CTNNA3: variants seen among roughly 807,000 people sequenced by gnomAD.
CTNNA3 encodes catenin alpha-3.
A neutral mutation model predicts 95.7 loss-of-function variants in CTNNA3; 76 were observed. The ratio of observed to expected loss-of-function variants is 0.79; its 90% CI spans 0.66 to 0.96. The LOEUF is 0.96. CTNNA3 is among the 40% of genes least tolerant of loss of function. The pLI, the probability that CTNNA3 is intolerant of heterozygous loss-of-function variation, is 0.00. For synonymous variants in CTNNA3, 431 were observed against 374.4 expected (o/e 1.15, Z -1.74); for missense variants, 1,191 against 1,089.8 (o/e 1.09, Z -1.31).
At chr10:66,703,987 C>T (rs1359138332) in intron 9 of CTNNA3, among the ~76,000 whole-genome samples, 1 of 152,070 alleles carries the variant, frequency 6.6e-6, no homozygotes, top group African/African-American at 2.4e-5. Flanking sequence ...CTGCAGCCAG[C>T]CTGTTGAGTA....
intron 16 of CTNNA3, among the ~76,000 whole-genome samples, chr10:65,969,918 A>T (rs80122362): frequency 6.6e-6 from 1 of 152,030 alleles, no homozygotes; most frequent in Non-Finnish European, 1.5e-5. Flanking sequence ...AGAAATCCAG[A>T]GAACACTTGA....
intron 13 of CTNNA3, among the ~76,000 whole-genome samples, chr10:66,227,729 A>G (rs961945762): frequency 3.9e-5 from 6 of 152,062 alleles, no homozygotes; most frequent in Admixed American, 1.3e-4. Context: ...CTTTTTTGCA[A>G]AATTGTGAGA....
chr10:67,048,306 GC>G (rs889381836), intron 7 of CTNNA3, among the ~76,000 whole-genome samples: 7 of 152,012 alleles, frequency 4.6e-5, no homozygotes, highest in African/African-American at 7.2e-5. Flanking sequence ...GTATTTAAAA[GC>G]CAGTCTGTGA....
chr10:67,402,775 T>G (rs966993596), intron 5 of CTNNA3, among the ~76,000 whole-genome samples: 1 of 152,112 alleles, frequency 6.6e-6, no homozygotes, highest in Non-Finnish European at 1.5e-5. Context: ...CACAGAGCTG[T>G]GTGGAGTCTC....
chr10:66,083,350 A>C (rs1488156710), intron 14 of CTNNA3, among the ~76,000 whole-genome samples: 1 of 152,162 alleles, frequency 6.6e-6, no homozygotes, highest in African/African-American at 2.4e-5. Flanking sequence ...CCACAGGGGT[A>C]ACGCAACTGG....
chr10:67,421,793 T>A (rs1416548171), intron 5 of CTNNA3, among the ~76,000 whole-genome samples: 2 of 152,202 alleles, frequency 1.3e-5, no homozygotes, highest in African/African-American at 4.8e-5. Flanking sequence ...GATAAGGTAT[T>A]CTGCATGTTA....
chr10:66,590,674 T>C (rs534890429), intron 10 of CTNNA3, among the ~76,000 whole-genome samples: 1 of 152,230 alleles, frequency 6.6e-6, no homozygotes, highest in Admixed American at 6.5e-5. Flanking sequence ...CATAGTCATG[T>C]AACATGTGAG....
chr10:67,297,742 C>A (rs1701829801), intron 5 of CTNNA3, among the ~76,000 whole-genome samples: 1 of 152,194 alleles, frequency 6.6e-6, no homozygotes, highest in Non-Finnish European at 1.5e-5. Flanking sequence ...TACTGGAATG[C>A]TCTTAGGCAC....
chr10:66,766,538 C>T (rs915212626), intron 8 of CTNNA3, 122 bp from the exon 9 acceptor site: 1 of 816,996 alleles, frequency 1.2e-6, no homozygotes, highest in African/African-American at 1.7e-5. Flanking sequence ...CCTAAAATCA[C>T]AATACTTAAA....
At chr10:66,043,956 CTGTGTGTGTGTGTGTGTGTGTG>C (rs59559225) in intron 15 of CTNNA3, among the ~76,000 whole-genome samples, 1 of 144,380 alleles carries the variant, frequency 6.9e-6, no homozygotes, top group Non-Finnish European at 1.5e-5. Context: ...TAGGACTATG[CTGTGTGTGTGTGTGTGTGTGTG>C]TGTGTGTGTG....
rs1000862248 is a variant in CTNNA3 at position 66,501,682 on chromosome 10, C to T, written c.1531+18935G>A. Among the ~76,000 whole-genome samples, 8 of 152,072 alleles carry T rather than the reference C, an allele frequency of 5.3e-5. No individual in the cohort carries two copies. In the East Asian group the frequency reaches 7.7e-4, roughly 15 times the overall value. ...ATATCATTTAAATCTTGTTGTCATGCGCCTGTGAGAAACTTTTCAGCTTTA... is the reference window on the plus strand; with the variant it reads ...ATATCATTTAAATCTTGTTGTCATGTGCCTGTGAGAAACTTTTCAGCTTTA... On this transcript the variant is annotated intron_variant, in intron 11 of 17. Coordinates refer to ENST00000433211, the MANE Select transcript of CTNNA3 (RefSeq NM_013266.4).
intron 13 of CTNNA3, among the ~76,000 whole-genome samples, chr10:66,122,880 A>G (rs2082643398): frequency 6.6e-6 from 1 of 152,184 alleles, no homozygotes; most frequent in Non-Finnish European, 1.5e-5. Context: ...ACAGTGCAGG[A>G]AAAACCTGGC....
At chr10:65,958,195 A>G (rs554281176) in intron 17 of CTNNA3, among the ~76,000 whole-genome samples, 2 of 152,200 alleles carry the variant, frequency 1.3e-5, no homozygotes, top group South Asian at 2.1e-4. Flanking sequence ...AAGCTTGTGC[A>G]TGTGCCATGT....
chr10:66,684,946 T>A (rs559396459), intron 9 of CTNNA3, among the ~76,000 whole-genome samples: 2 of 151,704 alleles, frequency 1.3e-5, no homozygotes, highest in South Asian at 2.1e-4. Context: ...GCATTTATTT[T>A]AAAAATAAGT....
At chr10:67,644,947 T>C (rs74142868) in intron 2 of CTNNA3, among the ~76,000 whole-genome samples, 20,178 of 152,124 alleles carry the variant, frequency 0.13, 2,405 homozygotes, top group African/African-American at 0.32. Context: ...CTGTCTGGTA[T>C]GTAAAAGGTA....
At chr10:67,004,992 A>C (rs1305526139) in intron 7 of CTNNA3, among the ~76,000 whole-genome samples, 2 of 152,174 alleles carry the variant, frequency 1.3e-5, no homozygotes, top group Non-Finnish European at 2.9e-5. Context: ...GTTACTATTT[A>C]CTCGCCAAAC....
At chr10:65,988,038 G>A (rs756902002) in intron 16 of CTNNA3, among the ~76,000 whole-genome samples, 101 of 152,166 alleles carry the variant, frequency 6.6e-4, no homozygotes, top group African/African-American at 1.9e-3. Flanking sequence ...GAAGAGTAGC[G>A]GAGAGGGGAA....
chr10:65,946,124 A>C (rs942048239), intron 17 of CTNNA3, among the ~76,000 whole-genome samples: 41 of 152,144 alleles, frequency 2.7e-4, no homozygotes, highest in Non-Finnish European at 1.5e-5. Context: ...TTAAGTTGCA[A>C]TTTTCATATC....
chr10:67,491,328 T>G (rs1031099048), intron 5 of CTNNA3, among the ~76,000 whole-genome samples: 2 of 152,190 alleles, frequency 1.3e-5, no homozygotes, highest in Admixed American at 1.3e-4. Flanking sequence ...TCCTAGTTGT[T>G]GGGGAATAGA....
Sources: gnomAD v4.1 joint callset for allele counts (sites outside exome capture counted in the v4.1 genomes callset) on GRCh38, gnomAD v4.1.1 for gene constraint, MANE v1.5 for transcripts, NCBI Gene and HGNC (gene_info 2026-07-23, HGNC 2026-07-21) for gene names.